NKAIN2: variants seen among roughly 807,000 people sequenced by gnomAD.
NKAIN2 encodes sodium/potassium transporting ATPase interacting 2.
Under a neutral mutation model 32.6 loss-of-function variants are expected in NKAIN2, and 14 were observed. The ratio of observed to expected loss-of-function variants is 0.43; its 90% CI spans 0.28 to 0.67. The LOEUF is 0.67. Ranked by LOEUF, NKAIN2 falls within the 30% of genes least tolerant of loss-of-function variation. NKAIN2 has a pLI of 0.17. For missense variants in NKAIN2, 198 were observed against 258.3 expected (o/e 0.77, Z 1.60); for synonymous variants, 80 against 87.2 (o/e 0.92, Z 0.46).
At chr6:124,522,788 A>C (rs1490164535) in intron 3 of NKAIN2, among the ~76,000 whole-genome samples, 1 of 152,148 alleles carries the variant, frequency 6.6e-6, no homozygotes, top group Admixed American at 6.5e-5. Flanking sequence ...ATAAAACCCT[A>C]TGTTACATTT....
At chr6:123,944,906 A>T (rs1776996000) in intron 1 of NKAIN2, among the ~76,000 whole-genome samples, 1 of 152,066 alleles carries the variant, frequency 6.6e-6, no homozygotes, top group Non-Finnish European at 1.5e-5. Flanking sequence ...TCTAAGGGAT[A>T]AGAGCAGTAT....
intron 1 of NKAIN2, among the ~76,000 whole-genome samples, chr6:124,217,359 A>G (rs991581285): frequency 1.3e-5 from 2 of 152,088 alleles, no homozygotes; most frequent in Admixed American, 1.3e-4. Context: ...TTGATAATAT[A>G]GTTAATTTTA....
chr6:124,439,639 T>A (rs894925110), intron 3 of NKAIN2, among the ~76,000 whole-genome samples: 11 of 151,922 alleles, frequency 7.2e-5, no homozygotes, highest in Non-Finnish European at 7.4e-5. Context: ...GTTTTTTTTT[T>A]AATCAGATCT....
chr6:124,394,457 A>AGATC (rs1445902847), intron 3 of NKAIN2, among the ~76,000 whole-genome samples: 1 of 12,420 alleles, frequency 8.1e-5, no homozygotes, highest in Non-Finnish European at 1.9e-4. Context: ...AATCAATATG[A>AGATC]GATAGATAGA....
chr6:124,459,544 T>C (rs1776449928), intron 3 of NKAIN2, among the ~76,000 whole-genome samples: 1 of 151,898 alleles, frequency 6.6e-6, no homozygotes, highest in South Asian at 2.1e-4. Context: ...ACCTAAGTGA[T>C]GATATTGTTA....
intron 1 of NKAIN2, among the ~76,000 whole-genome samples, chr6:124,232,265 G>A (rs1051924091): frequency 6.6e-6 from 1 of 152,114 alleles, no homozygotes; most frequent in Admixed American, 6.6e-5. Flanking sequence ...TTAATCTATG[G>A]ATTGATCAGC....
chr6:124,191,527 A>G (rs1790020480), intron 1 of NKAIN2, among the ~76,000 whole-genome samples: 1 of 152,184 alleles, frequency 6.6e-6, no homozygotes, highest in Non-Finnish European at 1.5e-5. Context: ...AACTTTACAA[A>G]GATGATCAAG....
At chr6:124,245,695 A>G (rs1350752780) in intron 1 of NKAIN2, among the ~76,000 whole-genome samples, 4 of 152,104 alleles carry the variant, frequency 2.6e-5, no homozygotes, top group South Asian at 2.1e-4. Context: ...CGAACATTCT[A>G]TAGTTTAATT....
At chr6:124,282,022 G>A in intron 1 of NKAIN2, among the ~76,000 whole-genome samples, 1 of 152,116 alleles carries the variant, frequency 6.6e-6, no homozygotes, top group East Asian at 1.9e-4. Flanking sequence ...TCCCCCCTGA[G>A]GGCAGGCAGG....
chr6:124,088,009 G>T (rs546134432), intron 1 of NKAIN2, among the ~76,000 whole-genome samples: 1 of 151,904 alleles, frequency 6.6e-6, no homozygotes, highest in African/African-American at 2.4e-5. Flanking sequence ...CGTTGCATTC[G>T]CATTTTTGCT....
chr6:124,341,610 T>C (rs1798116905), intron 2 of NKAIN2, among the ~76,000 whole-genome samples: 1 of 152,170 alleles, frequency 6.6e-6, no homozygotes, highest in African/African-American at 2.4e-5. Flanking sequence ...GAAAGCTTGA[T>C]CATATGACAG....
chr6:123,880,365 A>C (rs1210081160), intron 1 of NKAIN2, among the ~76,000 whole-genome samples: 1 of 152,208 alleles, frequency 6.6e-6, no homozygotes, highest in Non-Finnish European at 1.5e-5. Flanking sequence ...AAAGCTACAT[A>C]AAATTATAAG....
At chr6:124,182,280 T>C (rs1054812891) in intron 1 of NKAIN2, among the ~76,000 whole-genome samples, 1 of 152,290 alleles carries the variant, frequency 6.6e-6, no homozygotes, top group African/African-American at 2.4e-5. Context: ...TTATGGGAGC[T>C]ACAACTCAAG....
In NKAIN2 at chr6:124,745,037, G is replaced by A. The variant is rs913878071; in HGVS notation, c.475-46302G>A. 8.6e-5 allele frequency among the ~76,000 whole-genome samples: 13 copies of A among 151,846 alleles called. 1 individual carries two copies. The highest frequency in any genetic ancestry group is 5.9e-4 in the Admixed American group (9 of 15,228). On this transcript the variant is annotated intron_variant, in intron 4 of 6. Coordinates refer to ENST00000368417, the MANE Select transcript of NKAIN2 (RefSeq NM_001040214.3). Reference sequence around the variant, plus strand: ...ACTTTCAAATTGCCAGGAGATCTTTGGATTCTCTTCTGATTTTTTTTCCAT... The same window carrying A: ...ACTTTCAAATTGCCAGGAGATCTTTAGATTCTCTTCTGATTTTTTTTCCAT...
In NKAIN2 at chr6:123,803,973, G is replaced by A. The variant is rs1396392664; in HGVS notation, c.-228G>A. Among the ~76,000 whole-genome samples, 2 of 151,200 alleles carry A rather than the reference G, an allele frequency of 1.3e-5. No homozygotes were observed. Among genetic ancestry groups the A allele is most frequent in the African/African-American group, 2.4e-5 (1 of 41,318 alleles). ...CCGCGGCGCGGCGTGTGCACCGAGC[G>A]AGTGAAGGTATGTGTGGCGGGCGCG... On this transcript the variant is annotated 5_prime_UTR_variant, in exon 1 of 7. Transcript: ENST00000368417.
rs572741856 is a variant in NKAIN2, at chr6:124,747,248, A to C, written c.475-44091A>C. ...CCTAACCACCCACAGGTCTTTTCTC[A>C]CTCTGTGAGTCTCTCCTGAGCTGTC... On this transcript the variant is annotated intron_variant, in intron 4 of 6. Transcript: ENST00000368417. Among the ~76,000 whole-genome samples, 3 of 151,598 alleles carry C rather than the reference A, an allele frequency of 2.0e-5. No individual in the cohort carries two copies. The South Asian group carries it at 6.3e-4, about 32-fold the overall frequency.
rs545437866 is a variant in NKAIN2, at chr6:123,895,807, A to G, written c.54+91553A>G. Among the ~76,000 whole-genome samples the G allele has an allele frequency of 2.6e-5, 4 of 152,346 alleles. No homozygotes were observed. In the East Asian group the frequency reaches 7.7e-4, roughly 29 times the overall value. On this transcript the variant is annotated intron_variant, in intron 1 of 6. Coordinates refer to ENST00000368417, the MANE Select transcript of NKAIN2 (RefSeq NM_001040214.3). The stretch of plus-strand genomic sequence containing the variant: ...ACAAGGCCAGACGCATAAGAAAGTT[A>G]TGTTAGCTATAAGAGAACAAACAGA...
chr6:123,914,544 A>C (rs11755174), intron 1 of NKAIN2, among the ~76,000 whole-genome samples: 52,450 of 151,868 alleles, frequency 0.35, 9,802 homozygotes, highest in East Asian at 0.66. Flanking sequence ...TCAACGTACA[A>C]ACCTTCAGTT....
intron 1 of NKAIN2, among the ~76,000 whole-genome samples, chr6:123,929,598 C>A (rs1480660106): frequency 2.0e-5 from 3 of 152,210 alleles, no homozygotes; most frequent in African/African-American, 4.8e-5. Flanking sequence ...AATGATAAAT[C>A]TATTATGAAG....
Sources: gnomAD v4.1 joint callset for allele counts (sites outside exome capture counted in the v4.1 genomes callset) on GRCh38, gnomAD v4.1.1 for gene constraint, MANE v1.5 for transcripts, NCBI Gene and HGNC (gene_info 2026-07-23, HGNC 2026-07-21) for gene names.